Variants in KIAA2012 observed in about 807,000 individuals in gnomAD.
KIAA2012 encodes the protein KIAA2012.
Under a neutral mutation model 150.6 loss-of-function variants are expected in KIAA2012, and 125 were observed. The ratio of observed to expected loss-of-function variants is 0.83; its 90% CI spans 0.72 to 0.96. The LOEUF (loss-of-function observed/expected upper bound fraction) is 0.96. Among genes scored for constraint, KIAA2012 ranks in the 40% least tolerant of loss-of-function variants. The pLI is 0.00. For synonymous variants in KIAA2012, 462 were observed against 504.7 expected (o/e 0.92, Z 1.13); for missense variants, 1,219 against 1,354.9 (o/e 0.90, Z 1.57).
At chr2:202,157,506 G>C (rs987886867) in intron 14 of KIAA2012, among the ~76,000 whole-genome samples, 8 of 152,182 alleles carry the variant, frequency 5.3e-5, no homozygotes, top group Non-Finnish European at 8.8e-5. Context: ...CAAGGGAATG[G>C]AAAGAGATAA....
At chr2:202,156,943 A>AT (rs905590478) in intron 14 of KIAA2012, among the ~76,000 whole-genome samples, 22 of 152,170 alleles carry the variant, frequency 1.4e-4, no homozygotes, top group African/African-American at 4.3e-4. Context: ...TTTTACAATA[A>AT]TTGCTTGTAT....
intron 15 of KIAA2012, among the ~76,000 whole-genome samples, chr2:202,165,767 CT>C (rs1194524431): frequency 2.0e-5 from 3 of 152,166 alleles, no homozygotes; most frequent in East Asian, 3.8e-4. Flanking sequence ...GGATTTCACC[CT>C]TAACTTGATC....
In KIAA2012 at chr2:202,125,087, A is replaced by G. The variant is rs908736969; in HGVS notation, c.1763-127A>G. The G allele has an allele frequency of 1.6e-5, 12 of 749,944 alleles. No homozygotes were observed. The South Asian group carries it at 2.2e-4, about 14-fold the overall frequency. 46.5% of individuals were successfully genotyped at this position (749,944 alleles called of 1,614,324 possible). A position where few individuals can be genotyped will look rare whatever the true frequency, so the allele number is the denominator to read the frequency against. ...TCCATCTCAAAAATTTAAAAAAAAG[A>G]AACAGTTCATTGCAAAGCTTAAACA... On this transcript the variant is annotated intron_variant, in intron 11 of 23. Transcript: ENST00000498697.
At chr2:202,156,844 C>A (rs918445237) in intron 14 of KIAA2012, among the ~76,000 whole-genome samples, 4 of 152,152 alleles carry the variant, frequency 2.6e-5, no homozygotes, top group Non-Finnish European at 5.9e-5. Context: ...CAGATCACGC[C>A]ACTGCACTCC....
chr2:202,114,239 G>A (rs1450857371), intron 11 of KIAA2012: 1 of 153,664 alleles, frequency 6.5e-6, no homozygotes, highest in Non-Finnish European at 1.5e-5. Context: ...ACCAAAATGA[G>A]AGGATTGATT....
intron 15 of KIAA2012, among the ~76,000 whole-genome samples, chr2:202,184,224 A>C (rs1028935667): frequency 6.6e-6 from 1 of 151,970 alleles, no homozygotes; most frequent in Non-Finnish European, 1.5e-5. Context: ...TCTCTACTAA[A>C]AATACAAAAA....
At chr2:202,107,422 C>T (rs550830690) in intron 9 of KIAA2012, among the ~76,000 whole-genome samples, 8 of 152,182 alleles carry the variant, frequency 5.3e-5, no homozygotes, top group African/African-American at 9.6e-5. Flanking sequence ...ATCCAAATAT[C>T]GGCAGAGATC....
intron 11 of KIAA2012, among the ~76,000 whole-genome samples, chr2:202,120,978 C>CT (rs1690640886): frequency 6.6e-6 from 1 of 152,200 alleles, no homozygotes; most frequent in Non-Finnish European, 1.5e-5. Flanking sequence ...CCCAGACTCA[C>CT]TTGCAGCTAG....
At chr2:202,074,855 CA>C in intron 1 of KIAA2012, 35 bp from the exon 2 acceptor site, 3 of 1,514,412 alleles carry the variant, frequency 2.0e-6, no homozygotes, top group Non-Finnish European at 2.6e-6. Context: ...AGGTCTTCCA[CA>C]GTGGCTCCGT....
chr2:202,085,078 G>A (rs1188084714), intron 2 of KIAA2012, among the ~76,000 whole-genome samples: 2 of 152,136 alleles, frequency 1.3e-5, no homozygotes, highest in Admixed American at 6.5e-5. Context: ...TGGTATCCTC[G>A]GTTAGCCCTA....
At position 202,075,027 on chromosome 2, in the gene KIAA2012, A is replaced by G; in HGVS notation, c.221A>G (p.Tyr74Cys). The change falls in exon 2 of 24, where the codon TAC (tyrosine) becomes TGC (cysteine). Residue 74 changes from tyrosine to cysteine, a missense_variant. Tyr to Cys is a radical substitution (Grantham distance 194). Coordinates refer to ENST00000498697, the MANE Select transcript of KIAA2012 (RefSeq NM_001277372.4). ...FSTRKGALILYSEGFAISAWT... is the reference protein window; with the variant it reads ...FSTRKGALILCSEGFAISAWT... ...ACTAGAAAGGGTGCCCTGATCCTGT[A>G]CTCAGAAGGTTTTGCCATTTCGGCA... 1 of 1,550,596 alleles carries G rather than the reference A, an allele frequency of 6.4e-7. No homozygotes were observed. Among genetic ancestry groups the G allele is most frequent in the Non-Finnish European group, 8.7e-7 (1 of 1,146,996 alleles).
At chr2:202,151,361 C>T (rs1224270077) in intron 13 of KIAA2012, among the ~76,000 whole-genome samples, 1 of 152,074 alleles carries the variant, frequency 6.6e-6, no homozygotes, top group Non-Finnish European at 1.5e-5. Flanking sequence ...TGCGCCACTG[C>T]ACTCCAGCCT....
intron 7 of KIAA2012, among the ~76,000 whole-genome samples, chr2:202,102,262 T>G (rs753089780): frequency 2.0e-5 from 3 of 152,336 alleles, no homozygotes; most frequent in Non-Finnish European, 4.4e-5. Flanking sequence ...ACACAATGAT[T>G]CTTTTTCAGC....
rs1692549101 is a variant in KIAA2012, at chr2:202,202,431, A to C, written c.3410A>C (p.Gln1137Pro). 1 of 399,610 alleles carries C rather than the reference A, an allele frequency of 2.5e-6. No individual in the cohort carries two copies. The highest frequency in any genetic ancestry group is 1.3e-4 in the South Asian group (1 of 7,872). The allele number at this position is 399,610 out of a possible 1,614,324, so 24.8% of individuals were successfully genotyped here. A position where few individuals can be genotyped will look rare whatever the true frequency, so the allele number is the denominator to read the frequency against. Residue 1137 changes from glutamine (Q) to proline (P), a missense_variant and splice_region_variant, in exon 23 of 24, where the codon CAA (glutamine) becomes CCA (proline). Coordinates refer to ENST00000498697, the MANE Select transcript of KIAA2012 (RefSeq NM_001277372.4). The stretch of plus-strand genomic sequence containing the variant: ...TGGGGGTGGGGTTGTCTCCTTAGGC[A>C]AAAAGCTGCTTTGGAGAAACATTTT... ...ATKQAQEQAR[Q>P]KAALEKHFHF...
chr2:202,132,739 A>G (rs1251480945), intron 12 of KIAA2012, among the ~76,000 whole-genome samples: 5 of 77,140 alleles, frequency 6.5e-5, no homozygotes, highest in Admixed American at 6.5e-4. Flanking sequence ...GTATATATGT[A>G]TATATATAGT....
Position 202,194,371 on chromosome 2 carries a change from G to A in KIAA2012, c.3187+9G>A. ...GGAAGCCGAGAGGGCCGGTGAGGGG[G>A]TTCTTGAGCTCTTTGCATCTCTCTT... On this transcript the variant is annotated intron_variant, in intron 21 of 23. Coordinates refer to ENST00000498697, the MANE Select transcript of KIAA2012 (RefSeq NM_001277372.4). 2 of 1,549,202 alleles carry A rather than the reference G, an allele frequency of 1.3e-6. No homozygotes were observed. Among genetic ancestry groups the A allele is most frequent in the Non-Finnish European group, 1.7e-6 (2 of 1,146,896 alleles).
chr2:202,143,376 G>A (rs1343940499), intron 13 of KIAA2012, among the ~76,000 whole-genome samples: 1 of 151,390 alleles, frequency 6.6e-6, no homozygotes, highest in Non-Finnish European at 1.5e-5. Flanking sequence ...GTGAGCCACC[G>A]TGCCCAGCCT....
Position 202,190,159 on chromosome 2 carries a change from A to G in KIAA2012, c.2492-15A>G, listed in dbSNP as rs943584371. ...TAACTCAGCTATATCTCTATCCCCA[A>G]TTGTTCTCCCCCAGGAAAGTCAAAG... On this transcript the variant is annotated splice_polypyrimidine_tract_variant and intron_variant, in intron 18 of 23. Coordinates refer to ENST00000498697, the MANE Select transcript of KIAA2012 (RefSeq NM_001277372.4). 6.6e-5 allele frequency: 100 copies of G among 1,503,886 alleles called. No homozygotes were observed. The highest frequency in any genetic ancestry group is 7.8e-5 in the Non-Finnish European group (88 of 1,131,908). 93.2% of individuals were successfully genotyped at this position (1,503,886 alleles called of 1,614,324 possible).
intron 10 of KIAA2012, among the ~76,000 whole-genome samples, chr2:202,110,985 C>A (rs540150706): frequency 6.6e-6 from 1 of 152,170 alleles, no homozygotes; most frequent in African/African-American, 2.4e-5. Context: ...ACCTAGAAAC[C>A]GTTCCAGGGT....
Sources: gnomAD v4.1 joint callset for allele counts (sites outside exome capture counted in the v4.1 genomes callset) on GRCh38, gnomAD v4.1.1 for gene constraint, MANE v1.5 for transcripts, NCBI Gene and HGNC (gene_info 2026-07-23, HGNC 2026-07-21) for gene names.